The following MOB3B variants were observed in gnomAD, a reference collection of about 807,000 sequenced individuals.
MOB3B encodes the protein MOB kinase activator-like 2B.
MOB3B carries 7 observed loss-of-function variants against 18.7 expected under a neutral mutation model. That is an observed-to-expected ratio of 0.37 (90% CI 0.21 to 0.70). The LOEUF is 0.70. Ranked by LOEUF, MOB3B falls within the 30% of genes least tolerant of loss-of-function variation. The probability of loss-of-function intolerance (pLI) is 0.52; values close to 1 mark genes in which losing one functional copy is unlikely to be tolerated. For missense variants in MOB3B, 253 were observed against 281.3 expected (o/e 0.90, Z 0.72); for synonymous variants, 111 against 99.9 (o/e 1.11, Z -0.66).
intron 3 of MOB3B, among the ~76,000 whole-genome samples, chr9:27,330,872 A>G (rs375565512): frequency 8.5e-5 from 13 of 152,240 alleles, no homozygotes; most frequent in African/African-American, 3.1e-4. Context: ...TTTCTGAGAA[A>G]TTGCAAGATT....
rs139601416 is a variant in MOB3B at position 27,474,636 on chromosome 9, G to A, written c.-198-18888C>T. ...TACTTCCTGTTCTGGAAGTTTTGGA[G>A]GGGTGAGAAAAAGAAGGGCAAGAAG... On this transcript the variant is annotated intron_variant, in intron 1 of 3. Coordinates refer to ENST00000262244, the MANE Select transcript of MOB3B (RefSeq NM_024761.5). Among the ~76,000 whole-genome samples the A allele has an allele frequency of 6.6e-4, 101 of 151,988 alleles. No individual in the cohort carries two copies. In the Middle Eastern group the frequency reaches 0.014, roughly 20 times the overall value.
At chr9:27,436,905 C>T (rs970382255) in intron 2 of MOB3B, among the ~76,000 whole-genome samples, 10 of 149,614 alleles carry the variant, frequency 6.7e-5, no homozygotes, top group African/African-American at 2.5e-4. Flanking sequence ...GAGCAGCCAG[C>T]TATGCAAAAA....
chr9:27,455,533 C>T lies in MOB3B; in HGVS notation c.18G>A (p.Lys6=). Residue 6 remains lysine, a synonymous_variant, in exon 2 of 4, where the codon AAG becomes AAA. Coordinates refer to ENST00000262244, the MANE Select transcript of MOB3B (RefSeq NM_024761.5). MSIAL[K]QVFNKDKTFR... is the part of the protein sequence containing the mutation. ...AGGTCTTGTCCTTGTTGAATACCTG[C>T]TTCAGGGCTATGGACATGGTCTTCT... The T allele has an allele frequency of 6.2e-7, 1 of 1,614,186 alleles. No individual in the cohort carries two copies. Among genetic ancestry groups the T allele is most frequent in the Non-Finnish European group, 8.5e-7 (1 of 1,180,024 alleles).
chr9:27,396,681 G>A (rs539001630), intron 2 of MOB3B, among the ~76,000 whole-genome samples: 102 of 152,070 alleles, frequency 6.7e-4, no homozygotes, highest in Non-Finnish European at 1.0e-3. Flanking sequence ...ATTCCAGTCT[G>A]TGAATAAGGA....
chr9:27,404,856 G>C (rs111605914), intron 2 of MOB3B, among the ~76,000 whole-genome samples: 1 of 151,932 alleles, frequency 6.6e-6, no homozygotes, highest in African/African-American at 2.4e-5. Flanking sequence ...CTCCATAGTG[G>C]CTATATTAAT....
chr9:27,503,464 G>C (rs1820017368), intron 1 of MOB3B, among the ~76,000 whole-genome samples: 1 of 152,242 alleles, frequency 6.6e-6, no homozygotes, highest in South Asian at 2.1e-4. Flanking sequence ...ACTGGCTGCT[G>C]TTCTTTGGGA....
At chr9:27,426,196 T>C (rs368108081) in intron 2 of MOB3B, among the ~76,000 whole-genome samples, 1 of 152,156 alleles carries the variant, frequency 6.6e-6, no homozygotes, top group Non-Finnish European at 1.5e-5. Context: ...TTCCAACCTA[T>C]CCTGTGTTGA....
intron 1 of MOB3B, among the ~76,000 whole-genome samples, chr9:27,522,402 T>A (rs938631864): frequency 7.1e-6 from 1 of 140,270 alleles, no homozygotes; most frequent in Non-Finnish European, 1.5e-5. Context: ...TTTTTGCATA[T>A]ATATCAAGAC....
intron 3 of MOB3B, among the ~76,000 whole-genome samples, chr9:27,340,569 C>T (rs1277480375): frequency 6.6e-6 from 1 of 152,136 alleles, no homozygotes; most frequent in African/African-American, 2.4e-5. Flanking sequence ...TCCCTAGAGC[C>T]CCGCAGCCCA....
chr9:27,457,500 C>T (rs1377342745), intron 1 of MOB3B, among the ~76,000 whole-genome samples: 5 of 152,186 alleles, frequency 3.3e-5, no homozygotes, highest in Admixed American at 3.3e-4. Flanking sequence ...GTTATTGAGG[C>T]CAATATACCT....
At chr9:27,436,671 A>G (rs559494150) in intron 2 of MOB3B, among the ~76,000 whole-genome samples, 1 of 152,306 alleles carries the variant, frequency 6.6e-6, no homozygotes, top group East Asian at 1.9e-4. Context: ...TTTGCATTTT[A>G]TTTGACTTTT....
At chr9:27,436,124 A>G (rs1364280553) in intron 2 of MOB3B, among the ~76,000 whole-genome samples, 1 of 151,794 alleles carries the variant, frequency 6.6e-6, no homozygotes, top group Non-Finnish European at 1.5e-5. Context: ...AGTCCCATTT[A>G]CCCTTCTGGT....
intron 2 of MOB3B, among the ~76,000 whole-genome samples, chr9:27,367,378 AG>A (rs2131363536): frequency 6.6e-6 from 1 of 152,342 alleles, no homozygotes; most frequent in East Asian, 1.9e-4. Context: ...GAAACTTGTT[AG>A]AAGACAAGGT....
In MOB3B at chr9:27,513,824, A is replaced by G. The variant is rs531632803; in HGVS notation, c.-199+15731T>C. Among the ~76,000 whole-genome samples the G allele has an allele frequency of 5.9e-5, 9 of 152,246 alleles. No individual in the cohort carries two copies. The South Asian group carries it at 1.9e-3, about 32-fold the overall frequency. Reference sequence around the variant, plus strand: ...CACTATGAGGACATGAAGTTTCCCTATTCTTTTTTACTACCTGTGTCAGGC... The same window carrying G: ...CACTATGAGGACATGAAGTTTCCCTGTTCTTTTTTACTACCTGTGTCAGGC... On this transcript the variant is annotated intron_variant, in intron 1 of 3. Coordinates refer to ENST00000262244, the MANE Select transcript of MOB3B (RefSeq NM_024761.5).
intron 2 of MOB3B, among the ~76,000 whole-genome samples, chr9:27,385,621 G>A (rs975483097): frequency 1.3e-5 from 2 of 152,144 alleles, no homozygotes; most frequent in African/African-American, 4.8e-5. Flanking sequence ...TGTCTATAAA[G>A]CCTTCAGGAA....
At chr9:27,474,584 T>C (rs898022346) in intron 1 of MOB3B, among the ~76,000 whole-genome samples, 2 of 152,180 alleles carry the variant, frequency 1.3e-5, no homozygotes, top group Non-Finnish European at 2.9e-5. Context: ...AGAACCTTCG[T>C]ATCATTCCTG....
intron 1 of MOB3B, among the ~76,000 whole-genome samples, chr9:27,524,132 C>T (rs1187128569): frequency 1.6e-5 from 2 of 123,144 alleles, no homozygotes; most frequent in East Asian, 2.4e-4. Flanking sequence ...CTTCCAAAGT[C>T]GGCATAGTCA....
intron 1 of MOB3B, among the ~76,000 whole-genome samples, chr9:27,467,896 TTTTG>T (rs1239303880): frequency 6.6e-6 from 1 of 152,226 alleles, no homozygotes; most frequent in Non-Finnish European, 1.5e-5. Flanking sequence ...CAAAGTTGAT[TTTTG>T]TTTTTGTTGT....
At chr9:27,488,854 A>G (rs1166747251) in intron 1 of MOB3B, among the ~76,000 whole-genome samples, 2 of 152,252 alleles carry the variant, frequency 1.3e-5, no homozygotes, top group Admixed American at 1.3e-4. Context: ...ACACATTTCA[A>G]GGCTGCCTGT....
Sources: allele counts gnomAD v4.1 joint callset (sites outside exome capture counted in the v4.1 genomes callset), GRCh38; gene constraint gnomAD v4.1.1; transcripts MANE v1.5; gene names NCBI Gene and HGNC (gene_info 2026-07-23, HGNC 2026-07-21).